Variants in CAMTA1 observed in about 807,000 individuals in gnomAD.
CAMTA1 encodes calmodulin binding transcription activator 1, also known as calmodulin-binding transcription activator 1.
Under a neutral mutation model 170.9 loss-of-function variants are expected in CAMTA1, and 27 were observed. The observed-to-expected ratio is 0.16, with a 90% CI of 0.12 to 0.22. The LOEUF is 0.22. Among genes scored for constraint, CAMTA1 ranks in the 10% least tolerant of loss-of-function variants. The probability of loss-of-function intolerance (pLI) is 1.00; values close to 1 mark genes in which losing one functional copy is unlikely to be tolerated. For synonymous variants in CAMTA1, 833 were observed against 891.5 expected (o/e 0.93, Z 1.17); for missense variants, 1,619 against 2,217.2 (o/e 0.73, Z 5.42).
At chr1:7,276,299 A>T (rs1366068388) in intron 5 of CAMTA1, among the ~76,000 whole-genome samples, 7,500 of 19,556 alleles carry the variant, frequency 0.38, 696 homozygotes, top group Non-Finnish European at 0.43. Flanking sequence ...ATATATATAT[A>T]TATATTTTTT....
chr1:7,355,106 T>C (rs965731854), intron 5 of CAMTA1, among the ~76,000 whole-genome samples: 3 of 150,408 alleles, frequency 2.0e-5, no homozygotes, highest in African/African-American at 7.4e-5. Context: ...CTTGGGATGC[T>C]AAGGCAGGAG....
At chr1:7,537,150 C>T (rs1211873769) in intron 6 of CAMTA1, among the ~76,000 whole-genome samples, 1 of 152,162 alleles carries the variant, frequency 6.6e-6, no homozygotes, top group Non-Finnish European at 1.5e-5. Flanking sequence ...ATTCGGAGCT[C>T]GCAGGCATGT....
intron 11 of CAMTA1, among the ~76,000 whole-genome samples, chr1:7,706,020 G>A (rs187009049): frequency 6.6e-6 from 1 of 151,872 alleles, no homozygotes; most frequent in Non-Finnish European, 1.5e-5. Flanking sequence ...AGACTTTTTC[G>A]ATCTCTGTAG....
Position 6,935,825 on chromosome 1 carries a change from A to G in CAMTA1, c.234+110615A>G, listed in dbSNP as rs530721341. On this transcript the variant is annotated intron_variant, in intron 3 of 22. Coordinates refer to ENST00000303635, the MANE Select transcript of CAMTA1 (RefSeq NM_015215.4). ...CACTGTTAGTTGCATCTCAGAATGG[A>G]AGGAGCCCTAGACAGTCCCTGGTGG... Among the ~76,000 whole-genome samples, 4 of 152,268 alleles carry G rather than the reference A, an allele frequency of 2.6e-5. No homozygotes were observed. The East Asian group carries it at 7.7e-4, about 29-fold the overall frequency.
At chr1:7,706,886 CTTTTT>C (rs139511207) in intron 11 of CAMTA1, among the ~76,000 whole-genome samples, 1 of 132,222 alleles carries the variant, frequency 7.6e-6, no homozygotes, top group Non-Finnish European at 1.6e-5. Context: ...TCAGGCTATT[CTTTTT>C]TTTTTTTTTT....
chr1:6,924,805 A>G (rs1381733137), intron 3 of CAMTA1, among the ~76,000 whole-genome samples: 1 of 152,242 alleles, frequency 6.6e-6, no homozygotes, highest in African/African-American at 2.4e-5. Context: ...CGGGGAATCT[A>G]GCACTTCGGA....
intron 5 of CAMTA1, among the ~76,000 whole-genome samples, chr1:7,266,379 C>T (rs1427981643): frequency 2.0e-5 from 3 of 152,208 alleles, no homozygotes; most frequent in African/African-American, 7.2e-5. Context: ...CCCCAGAGCC[C>T]TTTCCCTCAT....
intron 4 of CAMTA1, among the ~76,000 whole-genome samples, chr1:7,219,969 C>G (rs1288767600): frequency 2.6e-5 from 4 of 152,194 alleles, no homozygotes; most frequent in Non-Finnish European, 5.9e-5. Context: ...AGGAAGGGAG[C>G]CCTCACCAAG....
At chr1:6,874,788 T>G (rs114009181) in intron 3 of CAMTA1, among the ~76,000 whole-genome samples, 2,207 of 152,316 alleles carry the variant, frequency 0.014, 48 homozygotes, top group African/African-American at 0.05. Flanking sequence ...GAAGGAAACC[T>G]GAGGGACAGA....
chr1:7,163,350 G>T, intron 4 of CAMTA1, among the ~76,000 whole-genome samples: 1 of 107,114 alleles, frequency 9.3e-6, no homozygotes, highest in Non-Finnish European at 1.8e-5. Flanking sequence ...GCCGGGGGGT[G>T]GGTGGGTCAT....
rs369119497 is a variant in CAMTA1, at chr1:7,446,369, T to G, written c.439-21461T>G. On this transcript the variant is annotated intron_variant, in intron 5 of 22. Transcript: ENST00000303635. ...AATTGCTTCCTAACAGATCCTTAGGTAAATATAACAATATTTGATCACAAA... is the reference window on the plus strand; with the variant it reads ...AATTGCTTCCTAACAGATCCTTAGGGAAATATAACAATATTTGATCACAAA... Among the ~76,000 whole-genome samples the G allele has an allele frequency of 2.1e-4, 32 of 152,300 alleles. No homozygotes were observed. In the East Asian group the frequency reaches 3.1e-3, roughly 15 times the overall value.
chr1:6,944,756 C>T lies in CAMTA1; in HGVS notation c.234+119546C>T, dbSNP rs543612177. 1.2e-4 allele frequency among the ~76,000 whole-genome samples: 19 copies of T among 152,246 alleles called. No individual in the cohort carries two copies. In the South Asian group the frequency reaches 1.5e-3, roughly 12 times the overall value. On this transcript the variant is annotated intron_variant, in intron 3 of 22. Coordinates refer to ENST00000303635, the MANE Select transcript of CAMTA1 (RefSeq NM_015215.4). ...ATACTACAGACAGTCTTTGACTTGCCGTGGTTCGTTTTGCAGTTTTTCCAC... is the reference window on the plus strand; with the variant it reads ...ATACTACAGACAGTCTTTGACTTGCTGTGGTTCGTTTTGCAGTTTTTCCAC...
chr1:7,167,057 T>C (rs1305551666), intron 4 of CAMTA1, among the ~76,000 whole-genome samples: 2 of 152,104 alleles, frequency 1.3e-5, no homozygotes, highest in East Asian at 3.8e-4. Context: ...GTGATCCACC[T>C]GCCTCGGCCT....
At chr1:7,747,053 A>G (rs1244818218) in intron 18 of CAMTA1, among the ~76,000 whole-genome samples, 1 of 152,254 alleles carries the variant, frequency 6.6e-6, no homozygotes, top group Non-Finnish European at 1.5e-5. Context: ...ACATTAAATA[A>G]TTCTCAGAAG....
At chr1:7,465,489 A>T (rs183224294) in intron 5 of CAMTA1, among the ~76,000 whole-genome samples, 2 of 105,908 alleles carry the variant, frequency 1.9e-5, no homozygotes, top group Non-Finnish European at 4.2e-5. Context: ...TCATCCAAGG[A>T]GACCAGGGGC....
intron 6 of CAMTA1, among the ~76,000 whole-genome samples, chr1:7,568,140 A>C (rs927679549): frequency 1.3e-5 from 2 of 151,574 alleles, no homozygotes; most frequent in Non-Finnish European, 2.9e-5. Context: ...CATGATCACT[A>C]TCACCATCAT....
chr1:6,980,957 G>C (rs1267005062), intron 3 of CAMTA1, among the ~76,000 whole-genome samples: 1 of 151,990 alleles, frequency 6.6e-6, no homozygotes, highest in East Asian at 1.9e-4. Context: ...GCTGTCACTG[G>C]GTGTGTGGTT....
At chr1:7,524,198 ACT>A (rs986138592) in intron 6 of CAMTA1, among the ~76,000 whole-genome samples, 4 of 152,014 alleles carry the variant, frequency 2.6e-5, no homozygotes, top group Non-Finnish European at 5.9e-5. Flanking sequence ...TGCCCAGGAG[ACT>A]CTGTCTCCAC....
intron 3 of CAMTA1, among the ~76,000 whole-genome samples, chr1:7,083,045 A>G (rs1640245990): frequency 6.6e-6 from 1 of 152,232 alleles, no homozygotes; most frequent in Non-Finnish European, 1.5e-5. Context: ...AGATAAATGA[A>G]TGAAAGACCG....
Sources: allele counts gnomAD v4.1 joint callset (sites outside exome capture counted in the v4.1 genomes callset), GRCh38; gene constraint gnomAD v4.1.1; transcripts MANE v1.5; gene names NCBI Gene and HGNC (gene_info 2026-07-23, HGNC 2026-07-21).